The following SERPINF1 variants were observed in gnomAD, a reference collection of about 807,000 sequenced individuals.
The protein encoded by SERPINF1 is pigment epithelium-derived factor.
SERPINF1 carries 29 observed loss-of-function variants against 37.3 expected under a neutral mutation model. That is an observed-to-expected ratio of 0.78 (90% CI 0.58 to 1.06). SERPINF1 has a LOEUF of 1.06. SERPINF1 is among the 50% of genes least tolerant of loss of function. The pLI is 0.00. For synonymous variants in SERPINF1, 281 were observed against 227.9 expected (o/e 1.23, Z -2.10); for missense variants, 553 against 532.2 (o/e 1.04, Z -0.38).
At chr17:1,774,533 T>C (rs554542802) in intron 5 of SERPINF1, among the ~76,000 whole-genome samples, 5 of 152,282 alleles carry the variant, frequency 3.3e-5, no homozygotes, top group East Asian at 1.9e-4. Flanking sequence ...GGTTTTGCCA[T>C]GTTGGCCACG....
chr17:1,776,382 C>T (rs1908029228), intron 6 of SERPINF1, 150 bp from the exon 7 acceptor site: 1 of 750,338 alleles, frequency 1.3e-6, no homozygotes, highest in Non-Finnish European at 2.3e-6. Flanking sequence ...AAAGCTATAA[C>T]CTGGAAGGGG....
chr17:1,776,127 C>T (rs1299788614), intron 6 of SERPINF1, among the ~76,000 whole-genome samples: 1 of 152,046 alleles, frequency 6.6e-6, no homozygotes, highest in African/African-American at 2.4e-5. Context: ...AGCCCTCTTA[C>T]GGCCCCTTCG....
At position 1,770,054 on chromosome 17, in the gene SERPINF1, A is replaced by T. The variant is rs2151207503; in HGVS notation, c.283+4A>T. On this transcript the variant is annotated splice_donor_region_variant and intron_variant, in intron 3 of 7. Coordinates refer to ENST00000254722, the MANE Select transcript of SERPINF1 (RefSeq NM_002615.7). Reference sequence around the variant, plus strand: ...GCCCTCTCGGCCCTCTCGCTGGGTGAGTGCTCAGATGCAGGAAGCCCCAGG... The same window carrying T: ...GCCCTCTCGGCCCTCTCGCTGGGTGTGTGCTCAGATGCAGGAAGCCCCAGG... 6.2e-7 allele frequency: 1 copy of T among 1,613,986 alleles called. No homozygotes were observed. The highest frequency in any genetic ancestry group is 8.5e-7 in the Non-Finnish European group (1 of 1,179,980).
At chr17:1,763,951 A>C (rs914894541) in intron 1 of SERPINF1, among the ~76,000 whole-genome samples, 2 of 152,218 alleles carry the variant, frequency 1.3e-5, no homozygotes, top group Non-Finnish European at 2.9e-5. Flanking sequence ...GCACTTTGGG[A>C]TGCTGGTGGA....
chr17:1,776,936 G>A (rs931846517), intron 7 of SERPINF1, among the ~76,000 whole-genome samples, 194 bp downstream of exon 7: 3 of 151,174 alleles, frequency 2.0e-5, no homozygotes, highest in African/African-American at 7.3e-5. Flanking sequence ...TCAGCCTCAC[G>A]AGCAGACCTC....
chr17:1,771,601 C>T (rs1189991336), intron 4 of SERPINF1: 5 of 510,090 alleles, frequency 9.8e-6, no homozygotes, highest in African/African-American at 1.9e-5. Flanking sequence ...AGGAAGGGCC[C>T]GTGAGCCCAA....
At position 1,772,302 on chromosome 17, in the gene SERPINF1, C is replaced by G. The variant is rs5008945; in HGVS notation, c.643+227C>G. ...CGGCTAATTTTTTGTATTTAATAGACATGGGGTTTCACCATGTTGGCCAGG... is the reference window on the plus strand; with the variant it reads ...CGGCTAATTTTTTGTATTTAATAGAGATGGGGTTTCACCATGTTGGCCAGG... On this transcript the variant is annotated intron_variant, in intron 5 of 7. Coordinates refer to ENST00000254722, the MANE Select transcript of SERPINF1 (RefSeq NM_002615.7). Among the ~76,000 whole-genome samples, 57,337 of 151,522 alleles carry G rather than the reference C, an allele frequency of 0.38. 11,095 individuals carry two copies. Among genetic ancestry groups the G allele is most frequent in the East Asian group, 0.51 (2,620 of 5,128 alleles).
chr17:1,777,175 C>T lies in SERPINF1; in HGVS notation c.998-12C>T, dbSNP rs747767464. On this transcript the variant is annotated splice_polypyrimidine_tract_variant and intron_variant, in intron 7 of 7. Transcript: ENST00000254722. ...GCAGGGTTTTAACGGAAATCTCTCT[C>T]CATCTCTACAGAGCTGCAATCCTTG... 1 of 1,614,080 alleles carries T rather than the reference C, an allele frequency of 6.2e-7. No homozygotes were observed. The highest frequency in any genetic ancestry group is 1.1e-5 in the South Asian group (1 of 91,064).
intron 5 of SERPINF1, among the ~76,000 whole-genome samples, chr17:1,772,520 G>A (rs1265462312): frequency 6.6e-6 from 1 of 152,018 alleles, no homozygotes; most frequent in African/African-American, 2.4e-5. Context: ...CAAAGTGCTG[G>A]GATTACAGGC....
intron 2 of SERPINF1, 84 bp from the exon 3 acceptor site, chr17:1,769,768 C>A: frequency 1.4e-6 from 2 of 1,478,336 alleles, no homozygotes; most frequent in Non-Finnish European, 1.9e-6. Context: ...GAACCACCAC[C>A]CTACACAAAG....
rs748757937 is a variant in SERPINF1 at position 1,776,499 on chromosome 17, A to ACTCTGAG, written c.787-33_787-32insCTCTGAG. ...TCTGTCCCCGGCTTTTGGGCTCTGA[A>ACTCTGAG]GGACTAACCACATGCTTTCTCACTT... On this transcript the variant is annotated intron_variant, in intron 6 of 7. Transcript: ENST00000254722. 1.9e-6 allele frequency: 3 copies of ACTCTGAG among 1,608,650 alleles called. No homozygotes were observed. In the East Asian group the frequency reaches 6.7e-5, roughly 36 times the overall value.
At chr17:1,764,666 C>T (rs1044824671) in intron 1 of SERPINF1, among the ~76,000 whole-genome samples, 2 of 152,120 alleles carry the variant, frequency 1.3e-5, no homozygotes, top group Non-Finnish European at 2.9e-5. Flanking sequence ...ATTTGAAGGA[C>T]GAGAGCCAAC....
chr17:1,767,931 C>A (rs1276847111), intron 2 of SERPINF1, among the ~76,000 whole-genome samples: 2 of 152,198 alleles, frequency 1.3e-5, no homozygotes, highest in Non-Finnish European at 2.9e-5. Context: ...CTGCCGGGTG[C>A]GGTGGCTCAC....
At chr17:1,769,752 G>A in intron 2 of SERPINF1, 100 bp from the exon 3 acceptor site, 2 of 1,326,250 alleles carry the variant, frequency 1.5e-6, no homozygotes, top group East Asian at 2.3e-5. Context: ...CAGCCCCAAG[G>A]GGCCAGAACC....
chr17:1,770,279 A>C (rs183511053), intron 3 of SERPINF1, among the ~76,000 whole-genome samples: 70 of 152,254 alleles, frequency 4.6e-4, no homozygotes, highest in Non-Finnish European at 6.5e-4. Context: ...GCTTGGCCTC[A>C]GGGTTCGCTT....
At chr17:1,774,141 C>A (rs1907892176) in intron 5 of SERPINF1, among the ~76,000 whole-genome samples, 1 of 152,208 alleles carries the variant, frequency 6.6e-6, no homozygotes, top group Non-Finnish European at 1.5e-5. Context: ...CCAGCTCAGA[C>A]CTTCTTTGAC....
chr17:1,769,673 G>C (rs956649077), intron 2 of SERPINF1, 179 bp from the exon 3 acceptor site: 11 of 679,414 alleles, frequency 1.6e-5, no homozygotes, highest in Non-Finnish European at 2.9e-5. Flanking sequence ...TCTCCACAGA[G>C]AGCTCATGCG....
chr17:1,769,933 G>C lies in SERPINF1; in HGVS notation c.166G>C (p.Ala56Pro). The C allele has an allele frequency of 6.2e-7, 1 of 1,614,226 alleles. No homozygotes were observed. The highest frequency in any genetic ancestry group is 8.5e-7 in the Non-Finnish European group (1 of 1,180,036). The change falls in exon 3 of 8, where the codon GCG becomes CCG. Residue 56 changes from alanine (A) to proline (P), a missense_variant. Ala to Pro is a conservative substitution (Grantham distance 27). Transcript: ENST00000254722. Reference protein sequence around the residue: ...FFKVPVNKLAAAVSNFGYDLY... With the variant: ...FFKVPVNKLAPAVSNFGYDLY... Reference sequence around the variant, plus strand: ...CAAAGTCCCCGTGAACAAGCTGGCAGCGGCTGTCTCCAACTTCGGCTATGA... The same window carrying C: ...CAAAGTCCCCGTGAACAAGCTGGCACCGGCTGTCTCCAACTTCGGCTATGA...
chr17:1,776,879 G>C (rs565561417), intron 7 of SERPINF1, 137 bp downstream of exon 7: 1 of 828,836 alleles, frequency 1.2e-6, no homozygotes, highest in East Asian at 2.6e-5. Flanking sequence ...AATCCTCATC[G>C]TGCCAGAAGG....
Sources: allele counts gnomAD v4.1 joint callset (sites outside exome capture counted in the v4.1 genomes callset), GRCh38; gene constraint gnomAD v4.1.1; transcripts MANE v1.5; gene names NCBI Gene and HGNC (gene_info 2026-07-23, HGNC 2026-07-21).